CACNA1C: variants seen among roughly 807,000 people sequenced by gnomAD.
CACNA1C encodes the protein voltage-dependent L-type calcium channel subunit alpha-1C.
In CACNA1C, 30 loss-of-function variants were observed where a neutral mutation model predicts 229.0. The ratio of observed to expected loss-of-function variants is 0.13; its 90% CI spans 0.10 to 0.18. The LOEUF (loss-of-function observed/expected upper bound fraction) is 0.18, where lower values mean the gene tolerates loss of function less well. CACNA1C is among the 10% of genes least tolerant of loss of function. CACNA1C has a pLI of 1.00. For missense variants in CACNA1C, 1,658 were observed against 2,845.0 expected (o/e 0.58, Z 9.49); for synonymous variants, 1,114 against 1,132.5 (o/e 0.98, Z 0.33).
intron 3 of CACNA1C, among the ~76,000 whole-genome samples, chr12:2,212,235 C>G (rs1017596928): frequency 6.6e-6 from 1 of 152,112 alleles, no homozygotes; most frequent in African/African-American, 2.4e-5. Context: ...CAAAATTAGC[C>G]ACTGTTTACA....
At chr12:2,128,935 G>A (rs1323571637) in intron 3 of CACNA1C, among the ~76,000 whole-genome samples, 3 of 152,210 alleles carry the variant, frequency 2.0e-5, no homozygotes, top group Non-Finnish European at 4.4e-5. Flanking sequence ...GCCCTGAAGC[G>A]AAGTCATGGC....
chr12:2,499,716 G>T (rs1302731268), intron 7 of CACNA1C, among the ~76,000 whole-genome samples: 1 of 152,166 alleles, frequency 6.6e-6, no homozygotes, highest in Admixed American at 6.5e-5. Context: ...CCTTAGGAAA[G>T]TCAGGAGACC....
At chr12:2,197,409 T>G in intron 3 of CACNA1C, among the ~76,000 whole-genome samples, 1 of 152,192 alleles carries the variant, frequency 6.6e-6, no homozygotes, top group Non-Finnish European at 1.5e-5. Flanking sequence ...CAGCGTACAT[T>G]CAGACTGTAC....
chr12:2,678,917 G>GA lies in CACNA1C; in HGVS notation c.5092-522dup, dbSNP rs1397696638. Among the ~76,000 whole-genome samples, 1 of 152,204 alleles carries GA rather than the reference G, an allele frequency of 6.6e-6. No individual in the cohort carries two copies. Among genetic ancestry groups the GA allele is most frequent in the Admixed American group, 6.5e-5 (1 of 15,278 alleles). Reference sequence around the variant, plus strand: ...TTAAATCTCTCTGAGTCCCCGAGGGGAAAAAGACCATCATGCAGGAAATTC... The same window carrying GA: ...TTAAATCTCTCTGAGTCCCCGAGGGGAAAAAAGACCATCATGCAGGAAATTC... On this transcript the variant is annotated intron_variant, in intron 41 of 46. Transcript: ENST00000399655. The surrounding 1 kb of genome is among the most constrained non-coding windows in gnomAD (Gnocchi z 4.1).
At chr12:2,189,521 G>A (rs572636299) in intron 3 of CACNA1C, among the ~76,000 whole-genome samples, 3 of 152,232 alleles carry the variant, frequency 2.0e-5, no homozygotes, top group Non-Finnish European at 4.4e-5. Context: ...GGCTGCCTGT[G>A]TGGGGACTGA....
At chr12:2,308,307 C>A (rs923532609) in intron 3 of CACNA1C, among the ~76,000 whole-genome samples, 2 of 152,076 alleles carry the variant, frequency 1.3e-5, no homozygotes, top group African/African-American at 2.4e-5. Context: ...TGGATATTAA[C>A]CCCTTATCAG....
intron 3 of CACNA1C, among the ~76,000 whole-genome samples, chr12:2,168,061 TG>T (rs895834669): frequency 1.3e-5 from 2 of 152,032 alleles, no homozygotes; most frequent in African/African-American, 4.8e-5. Flanking sequence ...AGTTTGTGTG[TG>T]GGGGGGAGTG....
chr12:2,061,445 G>A (rs2283269), intron 1 of CACNA1C, among the ~76,000 whole-genome samples: 23,724 of 152,164 alleles, frequency 0.16, 1,933 homozygotes, highest in African/African-American at 0.17. Flanking sequence ...AATCAGGGAG[G>A]AAGTGAACCA....
At chr12:2,458,144 A>C (rs1196479873) in intron 5 of CACNA1C, among the ~76,000 whole-genome samples, 1 of 152,222 alleles carries the variant, frequency 6.6e-6, no homozygotes, top group Non-Finnish European at 1.5e-5. Flanking sequence ...ATGTTCTAAA[A>C]GTTCTGTTTT....
At chr12:2,461,389 C>T (rs1264237830) in intron 5 of CACNA1C, among the ~76,000 whole-genome samples, 2 of 152,174 alleles carry the variant, frequency 1.3e-5, no homozygotes, top group African/African-American at 2.4e-5. Flanking sequence ...TCTGTCTCAT[C>T]TTCTCACCCT....
chr12:2,184,002 G>A (rs961099102), intron 3 of CACNA1C, among the ~76,000 whole-genome samples: 1 of 152,210 alleles, frequency 6.6e-6, no homozygotes, highest in Non-Finnish European at 1.5e-5. Context: ...GCCAGCCTCT[G>A]CCTGGTCTGA....
chr12:2,435,434 C>T (rs1596177028), intron 3 of CACNA1C, among the ~76,000 whole-genome samples: 2 of 152,330 alleles, frequency 1.3e-5, no homozygotes, highest in South Asian at 4.1e-4. Flanking sequence ...TAACTGCAGT[C>T]CTTTGTCCCA....
intron 42 of CACNA1C, chr12:2,682,052 T>C: frequency 1.3e-6 from 2 of 1,552,318 alleles, no homozygotes; most frequent in Non-Finnish European, 8.9e-7. Context: ...CAAACCCCTC[T>C]AGGTGAGGCT....
At chr12:2,080,600 C>CA (rs763866651) in intron 1 of CACNA1C, among the ~76,000 whole-genome samples, 3,230 of 36,668 alleles carry the variant, frequency 0.088, 47 homozygotes, top group Non-Finnish European at 0.12. Flanking sequence ...GACTCTGTCT[C>CA]AAAAAAAAAA....
chr12:2,336,022 C>CAAAAAA (rs34731308), intron 3 of CACNA1C, among the ~76,000 whole-genome samples: 4 of 92,562 alleles, frequency 4.3e-5, no homozygotes, highest in Non-Finnish European at 4.7e-5. Context: ...AAAACAACTC[C>CAAAAAA]AAAAAAAAAA....
At chr12:2,061,508 G>A (rs1310561016) in intron 1 of CACNA1C, among the ~76,000 whole-genome samples, 2 of 150,998 alleles carry the variant, frequency 1.3e-5, no homozygotes, top group South Asian at 2.1e-4. Flanking sequence ...GGAGCCTGTG[G>A]CCAGTAGGCT....
rs568553397 is a variant in CACNA1C, at chr12:2,180,793, G to C, written c.477+60363G>C. Among the ~76,000 whole-genome samples the C allele has an allele frequency of 2.0e-5, 3 of 152,240 alleles. No individual in the cohort carries two copies. In the East Asian group the frequency reaches 5.8e-4, roughly 29 times the overall value. On this transcript the variant is annotated intron_variant, in intron 3 of 46. Coordinates refer to ENST00000399655, the MANE Select transcript of CACNA1C (RefSeq NM_000719.7). ...TAGTTTTTATCATTTTCAAAATGAG[G>C]GTTGTTGGAAATGTCAAATGGTTGT...
chr12:2,573,858 G>T (rs192408298), intron 13 of CACNA1C, among the ~76,000 whole-genome samples: 51 of 152,302 alleles, frequency 3.3e-4, no homozygotes, highest in Admixed American at 9.2e-4. Context: ...GGTGAGATCC[G>T]GGTGGACTTA....
chr12:2,301,901 G>A (rs1456364230), intron 3 of CACNA1C, among the ~76,000 whole-genome samples: 1 of 152,216 alleles, frequency 6.6e-6, no homozygotes, highest in Admixed American at 6.5e-5. Flanking sequence ...AAGGCTGAGA[G>A]GAGACTCGTG....
Sources: gnomAD v4.1 joint callset for allele counts (sites outside exome capture counted in the v4.1 genomes callset) on GRCh38, gnomAD v4.1.1 for gene constraint, Gnocchi (gnomAD v3.1) non-coding constraint, MANE v1.5 for transcripts, NCBI Gene and HGNC (gene_info 2026-07-23, HGNC 2026-07-21) for gene names.